AAGAB: variants seen among roughly 807,000 people sequenced by gnomAD.
The protein encoded by AAGAB is alpha- and gamma-adaptin-binding protein p34.
A neutral mutation model predicts 44.1 loss-of-function variants in AAGAB; 38 were observed. The observed-to-expected ratio is 0.86, with a 90% CI of 0.67 to 1.13. The LOEUF is 1.13. AAGAB is among the 50% of genes most tolerant of loss of function. The pLI is 0.00. For missense variants in AAGAB, 450 were observed against 373.8 expected (o/e 1.20, Z -1.68); for synonymous variants, 131 against 131.8 (o/e 0.99, Z 0.04).
At position 67,204,151 on chromosome 15, in the gene AAGAB, G is replaced by A. The variant is rs768110809; in HGVS notation, c.716-3C>T. On this transcript the variant is annotated splice_polypyrimidine_tract_variant and splice_region_variant and intron_variant, in intron 7 of 9. Transcript: ENST00000261880. ...AATATCCAGATCTAACATGGGATCTGAAATAGGGATTTGTCACATTATCTG... is the reference window on the plus strand; with the variant it reads ...AATATCCAGATCTAACATGGGATCTAAAATAGGGATTTGTCACATTATCTG... 6.3e-7 allele frequency: 1 copy of A among 1,579,776 alleles called. No homozygotes were observed. The highest frequency in any genetic ancestry group is 1.1e-5 in the South Asian group (1 of 89,840).
At chr15:67,210,561 T>G (rs975558505) in intron 5 of AAGAB, among the ~76,000 whole-genome samples, 3 of 151,816 alleles carry the variant, frequency 2.0e-5, no homozygotes, top group African/African-American at 7.3e-5. Context: ...CAGATATGAA[T>G]GAAGCATCTA....
chr15:67,220,494 G>A (rs1038532465), intron 5 of AAGAB: 3 of 152,312 alleles, frequency 2.0e-5, no homozygotes, highest in East Asian at 1.9e-4. Flanking sequence ...CTCACTGTGT[G>A]AATATGAGCA....
chr15:67,217,715 T>A (rs1406232731), intron 5 of AAGAB, among the ~76,000 whole-genome samples: 2 of 152,106 alleles, frequency 1.3e-5, no homozygotes, highest in African/African-American at 4.8e-5. Flanking sequence ...TTTTTGTATT[T>A]TTAGTAGAGA....
intron 5 of AAGAB, among the ~76,000 whole-genome samples, chr15:67,211,432 G>A (rs563691832): frequency 7.5e-4 from 115 of 152,328 alleles, no homozygotes; most frequent in African/African-American, 2.5e-3. Flanking sequence ...CCCGAGAGAA[G>A]CAGATCCATG....
chr15:67,238,216 T>C (rs1016131708), intron 1 of AAGAB, among the ~76,000 whole-genome samples: 39 of 152,200 alleles, frequency 2.6e-4, no homozygotes, highest in African/African-American at 9.4e-4. Flanking sequence ...ATTGTTACTC[T>C]TAAATTAACA....
intron 5 of AAGAB, among the ~76,000 whole-genome samples, chr15:67,222,019 C>T (rs945445402): frequency 3.9e-4 from 60 of 152,142 alleles, no homozygotes; most frequent in African/African-American, 1.3e-3. Context: ...GTACCTTAAC[C>T]CAATTATCCT....
At chr15:67,208,776 A>G (rs1451827343) in intron 6 of AAGAB, 118 bp from the exon 7 acceptor site, 8 of 746,404 alleles carry the variant, frequency 1.1e-5, no homozygotes, top group Non-Finnish European at 1.7e-5. Context: ...TAGGAACTGG[A>G]GGCAAAGAAA....
chr15:67,243,559 C>T (rs771036055), intron 1 of AAGAB, among the ~76,000 whole-genome samples: 1 of 152,102 alleles, frequency 6.6e-6, no homozygotes, highest in Non-Finnish European at 1.5e-5. Context: ...GAGTAGAGGT[C>T]AAAAATACTG....
chr15:67,204,231 T>C, intron 7 of AAGAB, 83 bp from the exon 8 acceptor site: 2 of 928,382 alleles, frequency 2.2e-6, no homozygotes, highest in East Asian at 2.5e-5. Context: ...AATGCTAACC[T>C]TGATGAAGTC....
intron 5 of AAGAB, among the ~76,000 whole-genome samples, chr15:67,225,623 A>AT (rs1481399901): frequency 6.6e-6 from 1 of 152,214 alleles, no homozygotes; most frequent in Non-Finnish European, 1.5e-5. Flanking sequence ...TATTCTGGAT[A>AT]TTTCATATGA....
chr15:67,237,913 A>G (rs1964508268), intron 1 of AAGAB, among the ~76,000 whole-genome samples: 1 of 152,210 alleles, frequency 6.6e-6, no homozygotes, highest in Non-Finnish European at 1.5e-5. Context: ...CTAACATTAT[A>G]TATTTGAAAA....
Position 67,221,516 on chromosome 15 carries a change from T to C in AAGAB, c.535+10298A>G, listed in dbSNP as rs559085611. On this transcript the variant is annotated intron_variant, in intron 5 of 9. Transcript: ENST00000261880. Reference sequence around the variant, plus strand: ...AAGGATGCTATAGAAGCCATTCCTGTACTGGATGAATAGACTAGCTCAAAA... The same window carrying C: ...AAGGATGCTATAGAAGCCATTCCTGCACTGGATGAATAGACTAGCTCAAAA... Among the ~76,000 whole-genome samples the C allele has an allele frequency of 2.6e-5, 4 of 152,344 alleles. No individual in the cohort carries two copies. The East Asian group carries it at 7.7e-4, about 29-fold the overall frequency.
intron 1 of AAGAB, among the ~76,000 whole-genome samples, chr15:67,253,245 C>T (rs1380075048): frequency 1.6e-5 from 2 of 126,966 alleles, no homozygotes; most frequent in East Asian, 2.3e-4. Context: ...GGCAACATGG[C>T]CAAACCCCGT....
intron 4 of AAGAB, among the ~76,000 whole-genome samples, chr15:67,234,279 A>G (rs1324606579): frequency 6.6e-6 from 1 of 152,028 alleles, no homozygotes; most frequent in Admixed American, 6.6e-5. Context: ...AAATAAAAAT[A>G]AAGAAAGAAA....
chr15:67,250,786 G>C (rs901642293), intron 1 of AAGAB, among the ~76,000 whole-genome samples: 15 of 152,062 alleles, frequency 9.9e-5, no homozygotes, highest in Admixed American at 9.8e-4. Context: ...CAGCACTTTG[G>C]GAGGCTGAGG....
chr15:67,215,631 A>C (rs902137485), intron 5 of AAGAB, among the ~76,000 whole-genome samples: 1 of 152,184 alleles, frequency 6.6e-6, no homozygotes, highest in Non-Finnish European at 1.5e-5. Context: ...AAACTTACTA[A>C]AACTAAGATA....
Position 67,236,043 on chromosome 15 carries a change from T to A in AAGAB, c.387A>T (p.Glu129Asp). ...ATTCAAAGCCATGTTTGATGCACCA[T>A]TCTTGAGCTTTTTGTCGGTTTATAC... ...EDGINRQKAQ[E>D]WCIKHGFELV... is the part of the protein sequence containing the mutation. Residue 129 changes from glutamate (E) to aspartate (D), a missense_variant, in exon 4 of 10, where the codon GAA becomes GAT. By Grantham distance (45) the Glu-to-Asp change is conservative. Transcript: ENST00000261880. 6.2e-7 allele frequency: 1 copy of A among 1,613,170 alleles called. No homozygotes were observed. The highest frequency in any genetic ancestry group is 8.5e-7 in the Non-Finnish European group (1 of 1,179,478).
At chr15:67,231,928 T>C (rs761783564) in intron 4 of AAGAB, 31 bp from the exon 5 acceptor site, 3 of 1,537,000 alleles carry the variant, frequency 2.0e-6, no homozygotes, top group Non-Finnish European at 9.0e-7. Context: ...TATATATTTA[T>C]ATGCAACACT....
At position 67,236,791 on chromosome 15, in the gene AAGAB, C is replaced by G. The variant is rs748784905; in HGVS notation, c.103G>C (p.Glu35Gln). 6.2e-7 allele frequency: 1 copy of G among 1,611,136 alleles called. No individual in the cohort carries two copies. The highest frequency in any genetic ancestry group is 2.2e-5 in the East Asian group (1 of 44,842). ...HILGTEDLIVEVTSNDAVRFY... is the reference protein window; with the variant it reads ...HILGTEDLIVQVTSNDAVRFY... Reference sequence around the variant, plus strand: ...CTCACAGCATCATTGGAAGTCACTTCCACAATAAGATCTTCTGTTCCAAGG... The same window carrying G: ...CTCACAGCATCATTGGAAGTCACTTGCACAATAAGATCTTCTGTTCCAAGG... The change falls in exon 2 of 10, where the codon GAA becomes CAA. Residue 35 changes from glutamate (E) to glutamine (Q), a missense_variant. Coordinates refer to ENST00000261880, the MANE Select transcript of AAGAB (RefSeq NM_024666.5).
Sources: allele counts gnomAD v4.1 joint callset (sites outside exome capture counted in the v4.1 genomes callset), GRCh38; gene constraint gnomAD v4.1.1; transcripts MANE v1.5; gene names NCBI Gene and HGNC (gene_info 2026-07-23, HGNC 2026-07-21).